The following CCSER1 variants were observed in gnomAD, a reference collection of about 807,000 sequenced individuals.
The protein encoded by CCSER1 is coiled-coil serine rich protein 1.
In CCSER1, 41 loss-of-function variants were observed where a neutral mutation model predicts 82.0. That is an observed-to-expected ratio of 0.50 (90% CI 0.39 to 0.65). The LOEUF (loss-of-function observed/expected upper bound fraction) is 0.65, where lower values mean the gene tolerates loss of function less well. CCSER1 is among the 30% of genes least tolerant of loss of function. The pLI, the probability that CCSER1 is intolerant of heterozygous loss-of-function variation, is 0.00. For synonymous variants in CCSER1, 414 were observed against 383.9 expected (o/e 1.08, Z -0.92); for missense variants, 1,119 against 1,064.2 (o/e 1.05, Z -0.72).
chr4:91,336,690 T>C (rs1473432162), intron 10 of CCSER1, among the ~76,000 whole-genome samples: 2 of 152,126 alleles, frequency 1.3e-5, no homozygotes, highest in Non-Finnish European at 2.9e-5. Flanking sequence ...TGTATTGATA[T>C]TTATTCTAAT....
chr4:91,078,796 A>T (rs1011074284), intron 9 of CCSER1, among the ~76,000 whole-genome samples: 1 of 152,260 alleles, frequency 6.6e-6, no homozygotes, highest in Non-Finnish European at 1.5e-5. Context: ...ACAAGCTTCA[A>T]TAGCAGATTT....
intron 4 of CCSER1, among the ~76,000 whole-genome samples, chr4:90,444,687 A>G (rs532546403): frequency 6.6e-6 from 1 of 152,166 alleles, no homozygotes; most frequent in Middle Eastern, 3.4e-3. Context: ...TTCTCTTGTC[A>G]CACATTTTGC....
rs1055182712 is a variant in CCSER1, at chr4:91,599,214, TG to T, written c.*160del. 1 of 954,358 alleles carries T rather than the reference TG, an allele frequency of 1.0e-6. No individual in the cohort carries two copies. The highest frequency in any genetic ancestry group is 1.5e-6 in the Non-Finnish European group (1 of 676,208). The allele number at this position is 954,358 out of a possible 1,614,324, so 59.1% of individuals were successfully genotyped here. ...TTTCTTAGTCATAAACAAAGACTTG[TG>T]GGTTTTTTTTTTCCAAGAGTGAAAG... On this transcript the variant is annotated 3_prime_UTR_variant, in exon 11 of 11. Coordinates refer to ENST00000509176, the MANE Select transcript of CCSER1 (RefSeq NM_001145065.2).
At chr4:90,799,310 A>T (rs574875357) in intron 7 of CCSER1, among the ~76,000 whole-genome samples, 43 of 152,248 alleles carry the variant, frequency 2.8e-4, no homozygotes, top group African/African-American at 1.0e-3. Context: ...TGTGCCTGCC[A>T]AGGCTCTGTC....
rs938415890 is a variant in CCSER1, at chr4:90,127,765, C to G, written c.-108C>G. The G allele has an allele frequency of 6.5e-6, 1 of 153,136 alleles. No homozygotes were observed. Among genetic ancestry groups the G allele is most frequent in the Non-Finnish European group, 1.5e-5 (1 of 68,804 alleles). The allele number at this position is 153,136 out of a possible 1,614,324, so 9.5% of individuals were successfully genotyped here. On this transcript the variant is annotated 5_prime_UTR_variant, in exon 1 of 11. Coordinates refer to ENST00000509176, the MANE Select transcript of CCSER1 (RefSeq NM_001145065.2). Reference sequence around the variant, plus strand: ...GGAGGGGGACCAGGAAGGACACCCCCGTGCCCCGAAGACATAAATCCCTGA... The same window carrying G: ...GGAGGGGGACCAGGAAGGACACCCCGGTGCCCCGAAGACATAAATCCCTGA...
intron 10 of CCSER1, among the ~76,000 whole-genome samples, chr4:91,546,217 G>T (rs1193238099): frequency 6.6e-5 from 10 of 152,060 alleles, no homozygotes; most frequent in Admixed American, 6.6e-4. Flanking sequence ...GTTTATGAGA[G>T]ATGTAGGTCT....
At chr4:90,498,869 A>T (rs960367679) in intron 5 of CCSER1, among the ~76,000 whole-genome samples, 43 of 152,278 alleles carry the variant, frequency 2.8e-4, no homozygotes, top group African/African-American at 9.6e-4. Context: ...GTGCCACTTA[A>T]CAATTTAAAT....
chr4:91,064,812 C>A (rs966194112), intron 9 of CCSER1, among the ~76,000 whole-genome samples: 2 of 152,130 alleles, frequency 1.3e-5, no homozygotes, highest in Non-Finnish European at 2.9e-5. Flanking sequence ...GGTAACTGCT[C>A]TATTTTCCAG....
chr4:91,380,366 T>C (rs554311280), intron 10 of CCSER1, among the ~76,000 whole-genome samples: 134 of 152,260 alleles, frequency 8.8e-4, no homozygotes, highest in African/African-American at 3.1e-3. Context: ...CTCCCATTAT[T>C]ATTGTGTGGG....
At chr4:90,843,897 C>T (rs1762871820) in intron 8 of CCSER1, among the ~76,000 whole-genome samples, 2 of 151,972 alleles carry the variant, frequency 1.3e-5, no homozygotes, top group African/African-American at 4.8e-5. Flanking sequence ...AGCCTAATAA[C>T]ATTACTTAGT....
chr4:91,513,632 G>A (rs1016359384), intron 10 of CCSER1, among the ~76,000 whole-genome samples: 2 of 152,012 alleles, frequency 1.3e-5, no homozygotes, highest in Non-Finnish European at 2.9e-5. Flanking sequence ...CACTGATTCA[G>A]TTTTGGAACA....
At chr4:90,848,857 A>G (rs1763511390) in intron 8 of CCSER1, among the ~76,000 whole-genome samples, 1 of 152,206 alleles carries the variant, frequency 6.6e-6, no homozygotes, top group African/African-American at 2.4e-5. Flanking sequence ...GGATATGTAT[A>G]CTTACATATA....
At chr4:91,065,644 TA>T (rs1280025897) in intron 9 of CCSER1, among the ~76,000 whole-genome samples, 1 of 152,010 alleles carries the variant, frequency 6.6e-6, no homozygotes, top group African/African-American at 2.4e-5. Context: ...TAAAGGACAA[TA>T]AAAAAATTAC....
In CCSER1 at chr4:91,462,427, G is replaced by A. The variant is rs573542901; in HGVS notation, c.2218-136145G>A. 3.9e-4 allele frequency among the ~76,000 whole-genome samples: 60 copies of A among 152,186 alleles called. No individual in the cohort carries two copies. The East Asian group carries it at 6.0e-3, about 15-fold the overall frequency. ...ACAGCTCTAGTCTACAGCTCCTAGC[G>A]TCAGCCACGCAGAAGATGGGTGATT... On this transcript the variant is annotated intron_variant, in intron 10 of 10. Transcript: ENST00000509176.
chr4:90,885,573 A>G (rs769451203), intron 8 of CCSER1, among the ~76,000 whole-genome samples: 7 of 152,142 alleles, frequency 4.6e-5, no homozygotes, highest in Admixed American at 3.3e-4. Flanking sequence ...TAGAGAATAG[A>G]GAATATTCTT....
chr4:90,999,912 G>A (rs113336709), intron 9 of CCSER1, among the ~76,000 whole-genome samples: 2,371 of 135,730 alleles, frequency 0.017, 36 homozygotes, highest in African/African-American at 0.045. Flanking sequence ...GATTCTTATA[G>A]TTTGAGGTCT....
intron 10 of CCSER1, among the ~76,000 whole-genome samples, chr4:91,404,497 A>G (rs1752557623): frequency 6.6e-6 from 1 of 152,028 alleles, no homozygotes; most frequent in Non-Finnish European, 1.5e-5. Context: ...TAGGGTGTCA[A>G]TTTTAGATCT....
In CCSER1 at chr4:91,150,820, C is replaced by T. The variant is rs927301906; in HGVS notation, c.2217+64826C>T. ...CAGCCTTGCATCTCAGAGATGAAGC[C>T]CACTTGATCATGGTGGATAAGCTTT... On this transcript the variant is annotated intron_variant, in intron 10 of 10. Coordinates refer to ENST00000509176, the MANE Select transcript of CCSER1 (RefSeq NM_001145065.2). Among the ~76,000 whole-genome samples, 117 of 152,238 alleles carry T rather than the reference C, an allele frequency of 7.7e-4. 1 individual carries two copies. The highest frequency in any genetic ancestry group is 7.5e-3 in the Admixed American group (115 of 15,294).
intron 10 of CCSER1, among the ~76,000 whole-genome samples, chr4:91,436,727 A>T (rs1440535125): frequency 6.6e-6 from 1 of 152,208 alleles, no homozygotes; most frequent in Non-Finnish European, 1.5e-5. Context: ...CCATGAGTGG[A>T]GCTCAGCTAG....
Sources: gnomAD v4.1 joint callset for allele counts (sites outside exome capture counted in the v4.1 genomes callset) on GRCh38, gnomAD v4.1.1 for gene constraint, MANE v1.5 for transcripts, NCBI Gene and HGNC (gene_info 2026-07-23, HGNC 2026-07-21) for gene names.